HIVEP1: variants seen among roughly 807,000 people sequenced by gnomAD.
HIVEP1 encodes HIVEP zinc finger 1, also known as zinc finger protein 40.
A neutral mutation model predicts 180.0 loss-of-function variants in HIVEP1; 36 were observed. The observed-to-expected ratio is 0.20, with a 90% confidence interval of 0.15 to 0.26. The LOEUF is 0.26. Among genes scored for constraint, HIVEP1 ranks in the 10% least tolerant of loss-of-function variants. The pLI is 1.00. For missense variants in HIVEP1, 3,143 were observed against 3,268.7 expected (o/e 0.96, Z 0.94); for synonymous variants, 1,239 against 1,239.0 (o/e 1.00, Z 0.00).
chr6:12,013,811 CT>C (rs1767555635), intron 1 of HIVEP1, among the ~76,000 whole-genome samples: 1 of 99,810 alleles, frequency 1.0e-5, no homozygotes, highest in Admixed American at 9.9e-5. Context: ...AGATGAAATA[CT>C]TAGACCATCA....
intron 7 of HIVEP1, among the ~76,000 whole-genome samples, chr6:12,160,047 C>CA (rs1007380807): frequency 6.6e-6 from 1 of 152,038 alleles, no homozygotes; most frequent in East Asian, 1.9e-4. Context: ...TGTCTCTTTT[C>CA]AAAAAAATAC....
the HIVEP1 span, among the ~76,000 whole-genome samples, chr6:12,194,163 A>T: frequency 9.2e-5 from 14 of 152,230 alleles, no homozygotes; most frequent in Non-Finnish European, 1.8e-4. Flanking sequence ...TAAATATTTT[A>T]AAATAGTGGA....
chr6:12,186,071 A>C, the HIVEP1 span, among the ~76,000 whole-genome samples: 1 of 152,136 alleles, frequency 6.6e-6, no homozygotes, highest in Non-Finnish European at 1.5e-5. Flanking sequence ...AGATAAACAG[A>C]ATGTGTGTAT....
intron 2 of HIVEP1, chr6:12,037,830 C>T (rs780754695): frequency 4.5e-5 from 19 of 419,426 alleles, no homozygotes; most frequent in South Asian, 3.8e-4. Flanking sequence ...CCTGCTTTAG[C>T]GTCCCGAATA....
chr6:12,101,997 G>A (rs145711045), intron 3 of HIVEP1, among the ~76,000 whole-genome samples: 149 of 147,468 alleles, frequency 1.0e-3, no homozygotes, highest in African/African-American at 3.4e-3. Flanking sequence ...TGTTACTAGA[G>A]GTAAAGAGGG....
chr6:12,121,491 C>T lies in HIVEP1; in HGVS notation c.1696C>T (p.His566Tyr), dbSNP rs779764254. ...AVTELPKVVV[H>Y]HVTVSPLRTD... is the part of the protein sequence containing the mutation. ...GACAGAGTTACCGAAAGTTGTGGTC[C>T]ACCATGTCACTGTGTCCCCCTTAAG... The change falls in exon 4 of 9, where the codon CAC becomes TAC. Residue 566 changes from histidine to tyrosine, a missense_variant. Around this residue, in one of 12 missense-constraint regions of HIVEP1, gnomAD observed 365 missense variants for 344.4 expected, o/e 1.06. Coordinates refer to ENST00000379388, the MANE Select transcript of HIVEP1 (RefSeq NM_002114.4). The surrounding 1 kb of genome is among the most constrained non-coding windows in gnomAD (Gnocchi z 5.3). 4 of 1,614,068 alleles carry T rather than the reference C, an allele frequency of 2.5e-6. No individual in the cohort carries two copies. The highest frequency in any genetic ancestry group is 8.5e-7 in the Non-Finnish European group (1 of 1,180,052).
At chr6:12,116,860 G>A (rs1180959816) in intron 3 of HIVEP1, among the ~76,000 whole-genome samples, 1 of 152,132 alleles carries the variant, frequency 6.6e-6, no homozygotes, top group African/African-American at 2.4e-5. Flanking sequence ...AAACACAAGT[G>A]TTTTTAAGTG....
chr6:12,089,162 A>G, intron 2 of HIVEP1, 22 bp from the exon 3 acceptor site: 1 of 1,362,358 alleles, frequency 7.3e-7, no homozygotes, highest in Non-Finnish European at 1.0e-6. Flanking sequence ...TTAATTTATA[A>G]ATTTTTCTCT....
intron 3 of HIVEP1, among the ~76,000 whole-genome samples, chr6:12,110,190 C>G (rs1774793884): frequency 1.3e-5 from 2 of 152,214 alleles, no homozygotes; most frequent in African/African-American, 2.4e-5. Context: ...GTAGATTTAG[C>G]ATGATTCTTA....
chr6:12,124,135 A>G lies in HIVEP1; in HGVS notation c.4340A>G (p.His1447Arg), dbSNP rs758791370. The G allele has an allele frequency of 3.7e-6, 6 of 1,613,936 alleles. No homozygotes were observed. Among genetic ancestry groups the G allele is most frequent in the Non-Finnish European group, 5.1e-6 (6 of 1,180,008 alleles). The change falls in exon 4 of 9, where the codon CAC becomes CGC. Residue 1447 changes from histidine to arginine, a missense_variant. Around this residue, in one of 12 missense-constraint regions of HIVEP1, gnomAD observed 1,357 missense variants for 1,260.5 expected, o/e 1.08. Transcript: ENST00000379388. ...CCAGATAGTCATCTGTCTCCTGTAC[A>G]CCCAACATCTTTCCAAAATACTGCT... ...IAPDSHLSPV[H>R]PTSFQNTALP...
chr6:12,031,895 T>C (rs1197047997), intron 2 of HIVEP1, among the ~76,000 whole-genome samples: 1 of 152,156 alleles, frequency 6.6e-6, no homozygotes, highest in Non-Finnish European at 1.5e-5. Flanking sequence ...GGACCGTGAA[T>C]GTGGACCATG....
chr6:12,026,580 G>A (rs1291233629), intron 2 of HIVEP1, among the ~76,000 whole-genome samples: 1 of 152,180 alleles, frequency 6.6e-6, no homozygotes, highest in East Asian at 1.9e-4. Context: ...TTTGGTTTCT[G>A]TTTATGGTAA....
intron 3 of HIVEP1, among the ~76,000 whole-genome samples, chr6:12,108,611 C>T (rs1186018569): frequency 1.3e-5 from 2 of 152,240 alleles, no homozygotes; most frequent in African/African-American, 2.4e-5. Flanking sequence ...CCCAGTACAC[C>T]CTCTGCAGCC....
intron 2 of HIVEP1, among the ~76,000 whole-genome samples, chr6:12,074,849 T>C (rs529435813): frequency 3.9e-4 from 60 of 152,302 alleles, no homozygotes; most frequent in African/African-American, 1.3e-3. Flanking sequence ...TGTTTTCTTA[T>C]GTCTTTTCAT....
intron 7 of HIVEP1, among the ~76,000 whole-genome samples, chr6:12,144,738 G>A (rs1759263773): frequency 6.6e-6 from 1 of 152,142 alleles, no homozygotes; most frequent in Admixed American, 6.5e-5. Flanking sequence ...CTCAAAAGAA[G>A]ACATTTATGC....
chr6:12,197,887 A>T, the HIVEP1 span, among the ~76,000 whole-genome samples: 1 of 152,160 alleles, frequency 6.6e-6, no homozygotes, highest in East Asian at 1.9e-4. Context: ...TTTGAAAGCT[A>T]TTTAGGAGGT....
downstream of HIVEP1, among the ~76,000 whole-genome samples, chr6:12,168,525 C>A (rs1378092841): frequency 1.3e-5 from 2 of 151,292 alleles, no homozygotes; most frequent in South Asian, 2.1e-4. Context: ...AGACTGTTCA[C>A]AACTTACTAT....
intron 2 of HIVEP1, among the ~76,000 whole-genome samples, chr6:12,055,711 A>G (rs879376515): frequency 1.3e-5 from 2 of 152,194 alleles, no homozygotes; most frequent in Admixed American, 6.5e-5. Context: ...CAGGATACAA[A>G]TTGAGTTATT....
rs553712086 is a variant in HIVEP1, at chr6:12,017,413, C to T, written c.40+1745C>T. On this transcript the variant is annotated intron_variant, in intron 2 of 8. Transcript: ENST00000379388. ...CTGGTTCAGGAGTGAAGCTGCACAC[C>T]TTTGCGGTGAGTTTTATAGCTCATA... Among the ~76,000 whole-genome samples the T allele has an allele frequency of 2.2e-4, 34 of 152,332 alleles. No homozygotes were observed. The Middle Eastern group carries it at 0.01, about 46-fold the overall frequency.
Sources: allele counts gnomAD v4.1 joint callset (sites outside exome capture counted in the v4.1 genomes callset), GRCh38; gene constraint gnomAD v4.1.1; regional missense constraint gnomAD v4.1.1; non-coding constraint Gnocchi (gnomAD v3.1); transcripts MANE v1.5; gene names NCBI Gene and HGNC (gene_info 2026-07-23, HGNC 2026-07-21).